Variants in INPPL1 observed in about 807,000 individuals in gnomAD.
INPPL1 encodes the protein phosphatidylinositol 3,4,5-trisphosphate 5-phosphatase 2.
INPPL1 carries 91 observed loss-of-function variants against 139.3 expected under a neutral mutation model. That is an observed-to-expected ratio of 0.65 (90% CI 0.55 to 0.78). The LOEUF (loss-of-function observed/expected upper bound fraction) is 0.78, where lower values mean the gene tolerates loss of function less well. Ranked by LOEUF, INPPL1 falls within the 30% of genes least tolerant of loss-of-function variation. INPPL1 has a pLI of 0.00. For missense variants in INPPL1, 1,411 were observed against 1,665.6 expected, an observed-to-expected ratio of 0.85 and a Z score of 2.66; for synonymous variants, 719 against 686.6, an observed-to-expected ratio of 1.05 and a Z score of -0.74.
chr11:72,236,639 A>G (rs1183570703), intron 25 of INPPL1, among the ~76,000 whole-genome samples: 2 of 152,222 alleles, frequency 1.3e-5, no homozygotes, highest in Non-Finnish European at 2.9e-5. Flanking sequence ...TTAAACTTAC[A>G]TAAACTCCTA....
chr11:72,229,296 G>T (rs1948764139), intron 5 of INPPL1, 66 bp downstream of exon 5: 2 of 1,512,938 alleles, frequency 1.3e-6, no homozygotes, highest in Admixed American at 3.6e-5. Context: ...CTGCTTCCCG[G>T]CTGCACAGGT....
Position 72,225,019 on chromosome 11 carries a change from G to A in INPPL1, c.35G>A (p.Gly12Asp). The change falls in exon 1 of 28, where the codon GGC becomes GAC. Residue 12 changes from glycine to aspartate, a missense_variant. By Grantham distance (94) the Gly-to-Asp change is moderately conservative. Around this residue, in one of 5 missense-constraint regions of INPPL1, gnomAD observed 504 missense variants for 595.6 expected, o/e 0.85. Transcript: ENST00000298229. ...GCCTGCGGGGCGCCGGGCCCGGGGG[G>A]CGCCCTGGGCAGCCAGGCCCCCTCC... Reference protein sequence around the residue: ...ASACGAPGPGGALGSQAPSWY... With the variant: ...ASACGAPGPGDALGSQAPSWY... The A allele has an allele frequency of 8.2e-7, 1 of 1,217,256 alleles. No individual in the cohort carries two copies. The highest frequency in any genetic ancestry group is 1.0e-6 in the Non-Finnish European group (1 of 978,986). The allele number at this position is 1,217,256 out of a possible 1,614,324, so 75.4% of individuals were successfully genotyped here. A position where few individuals can be genotyped will look rare whatever the true frequency, so the allele number is the denominator to read the frequency against.
chr11:72,232,559 C>T (rs1338382275), intron 14 of INPPL1, 67 bp from the exon 15 acceptor site: 3 of 1,570,014 alleles, frequency 1.9e-6, no homozygotes, highest in Non-Finnish European at 2.6e-6. Context: ...TCCCTTTATG[C>T]CTATCCCTGA....
chr11:72,224,184 A>C (rs1948598585), upstream of INPPL1, among the ~76,000 whole-genome samples: 1 of 151,956 alleles, frequency 6.6e-6, no homozygotes, highest in Non-Finnish European at 1.5e-5. Flanking sequence ...CCCCCGCCAG[A>C]GTAAGAATCT....
Position 72,228,402 on chromosome 11 carries a change from C to T in INPPL1, c.301C>T (p.Leu101=). 2 of 1,613,244 alleles carry T rather than the reference C, an allele frequency of 1.2e-6. No individual in the cohort carries two copies. The highest frequency in any genetic ancestry group is 1.7e-6 in the Non-Finnish European group (2 of 1,179,996). The part of the protein sequence containing the change: ...RFQTLGELIG[L]YAQPNQGLVC... Reference sequence around the variant, plus strand: ...CCAGACCCTGGGTGAGCTCATCGGCCTGTACGCCCAGCCCAACCAGGGCCT... The same window carrying T: ...CCAGACCCTGGGTGAGCTCATCGGCTTGTACGCCCAGCCCAACCAGGGCCT... Residue 101 remains leucine (L), a synonymous_variant, in exon 3 of 28, where the codon CTG becomes TTG. Transcript: ENST00000298229. The surrounding 1 kb of genome is among the most constrained non-coding windows in gnomAD (Gnocchi z 5.0).
intron 12 of INPPL1, 121 bp downstream of exon 12, chr11:72,231,310 C>T (rs927551322): frequency 4.6e-5 from 49 of 1,063,356 alleles, no homozygotes; most frequent in Non-Finnish European, 6.4e-5. Context: ...GGTCCCTGAG[C>T]ATATCCTTTG....
At position 72,230,253 on chromosome 11, in the gene INPPL1, A is replaced by T; in HGVS notation, c.1072A>T (p.Thr358Ser). 6.2e-7 allele frequency: 1 copy of T among 1,607,616 alleles called. No individual in the cohort carries two copies. Among genetic ancestry groups the T allele is most frequent in the South Asian group, 1.1e-5 (1 of 90,380 alleles). ...RQRDSQEDWT[T>S]FTHDRIRQLI... ...GCGGGACTCCCAGGAGGACTGGACC[A>T]CCTTCACGCACGACCGCAGTGAGCC... Residue 358 changes from threonine to serine, a missense_variant, in exon 9 of 28, where the codon ACC (threonine) becomes TCC (serine). By Grantham distance (58) the Thr-to-Ser change is moderately conservative (BLOSUM62 1). Coordinates refer to ENST00000298229, the MANE Select transcript of INPPL1 (RefSeq NM_001567.4).
chr11:72,227,575 C>T (rs1437056005), intron 1 of INPPL1, among the ~76,000 whole-genome samples: 1 of 152,084 alleles, frequency 6.6e-6, no homozygotes, highest in Non-Finnish European at 1.5e-5. Flanking sequence ...GCTCAGCTGC[C>T]ACCTGCTCAA....
rs1270326536 is a variant in INPPL1, at chr11:72,232,879, T to C, written c.1856T>C (p.Ile619Thr). Residue 619 changes from isoleucine to threonine, a missense_variant, in exon 16 of 28, where the codon ATC becomes ACC. Ile to Thr is a moderately conservative substitution (Grantham distance 89). Transcript: ENST00000298229. ...CCTTTGTGTCCTCCACCCCAGGAGA[T>C]CCTGAACTACATCAGCAGGAAAGAG... ...NYRLDMDIQE[I>T]LNYISRKEFE... The C allele has an allele frequency of 3.7e-6, 6 of 1,613,906 alleles. No homozygotes were observed. Among genetic ancestry groups the C allele is most frequent in the Non-Finnish European group, 5.1e-6 (6 of 1,180,002 alleles).
At chr11:72,236,545 A>G (rs989698734) in intron 25 of INPPL1, among the ~76,000 whole-genome samples, 5 of 152,232 alleles carry the variant, frequency 3.3e-5, no homozygotes, top group African/African-American at 1.2e-4. Flanking sequence ...TCCATGTAGT[A>G]ACTATTAACG....
At position 72,232,856 on chromosome 11, in the gene INPPL1, T is replaced by C; in HGVS notation, c.1852-19T>C. 2 of 1,613,768 alleles carry C rather than the reference T, an allele frequency of 1.2e-6. No homozygotes were observed. Among genetic ancestry groups the C allele is most frequent in the Non-Finnish European group, 1.7e-6 (2 of 1,179,792 alleles). ...TGGCTCCGGAGGAATGTTTCTAGCC[T>C]TTGTGTCCTCCACCCCAGGAGATCC... On this transcript the variant is annotated intron_variant, in intron 15 of 27. Coordinates refer to ENST00000298229, the MANE Select transcript of INPPL1 (RefSeq NM_001567.4).
chr11:72,238,851 G>GTTT lies in INPPL1; in HGVS notation c.*498_*499insTTT, dbSNP rs2135452348. On this transcript the variant is annotated 3_prime_UTR_variant, in exon 28 of 28. Transcript: ENST00000298229. ...GGGTTTATTTAAACTGTTCTGTGTG[G>GTTT]GTCTGGGGAGGGAGAGCACCTTAAT... 6.5e-6 allele frequency: 1 copy of GTTT among 152,896 alleles called. No homozygotes were observed. The highest frequency in any genetic ancestry group is 2.1e-4 in the South Asian group (1 of 4,844). 9.5% of individuals were successfully genotyped at this position (152,896 alleles called of 1,614,324 possible). A position where few individuals can be genotyped will look rare whatever the true frequency, so the allele number is the denominator to read the frequency against.
At chr11:72,224,126 T>A (rs960743984), upstream of INPPL1, among the ~76,000 whole-genome samples, 19 of 151,868 alleles carry the variant, frequency 1.3e-4, no homozygotes, top group South Asian at 4.0e-3. Context: ...TCTGCGGGGC[T>A]GGGAGGGGCT....
At chr11:72,229,277 T>G in intron 5 of INPPL1, 47 bp downstream of exon 5, 1 of 1,549,104 alleles carries the variant, frequency 6.5e-7, no homozygotes, top group Non-Finnish European at 8.8e-7. Context: ...ACCTCTGACC[T>G]GTCCTCACCT....
At position 72,234,287 on chromosome 11, in the gene INPPL1, C is replaced by T. The variant is rs1427553673; in HGVS notation, c.2219C>T (p.Ser740Leu). The T allele has an allele frequency of 1.2e-6, 2 of 1,613,202 alleles. No homozygotes were observed. The highest frequency in any genetic ancestry group is 8.5e-7 in the Non-Finnish European group (1 of 1,179,238). Reference sequence around the variant, plus strand: ...CTCCTCCCTTTCTCCTCAGGGCTCTCAAAGACTTCAGACCAGGCCTACATT... The same window carrying T: ...CTCCTCCCTTTCTCCTCAGGGCTCTTAAAGACTTCAGACCAGGCCTACATT... ...TSQFISKKGL[S>L]KTSDQAYIEF... The change falls in exon 20 of 28, where the codon TCA (serine) becomes TTA (leucine). Residue 740 changes from serine to leucine, a missense_variant. Coordinates refer to ENST00000298229, the MANE Select transcript of INPPL1 (RefSeq NM_001567.4). This position sits in a 1 kb window ranked among gnomAD's most constrained non-coding sequence, Gnocchi z 4.2.
rs1948631212 is a variant in INPPL1, at chr11:72,225,107, T to C, written c.123T>C (p.Asp41=). ...AGCTGCTGGCCCGGGCGGGCCGCGA[T>C]GGCAGCTTCCTGGTCCGAGACAGCG... ...AEELLARAGR[D]GSFLVRDSES... Residue 41 remains aspartate (D), a synonymous_variant, in exon 1 of 28, where the codon GAT becomes GAC. Transcript: ENST00000298229. The C allele has an allele frequency of 8.1e-7, 1 of 1,232,300 alleles. No individual in the cohort carries two copies. The allele number at this position is 1,232,300 out of a possible 1,614,324, so 76.3% of individuals were successfully genotyped here. A position where few individuals can be genotyped will look rare whatever the true frequency, so the allele number is the denominator to read the frequency against.
chr11:72,234,156 G>T lies in INPPL1; in HGVS notation c.2213-125G>T, dbSNP rs1948915534. The T allele has an allele frequency of 1.4e-6, 1 of 706,040 alleles. No individual in the cohort carries two copies. The highest frequency in any genetic ancestry group is 2.5e-6 in the Non-Finnish European group (1 of 403,064). The allele number at this position is 706,040 out of a possible 1,614,324, so 43.7% of individuals were successfully genotyped here. ...CTGTTGGTGGCTTGGGACTGGGGAG[G>T]CCCCTCCTGGCCCTGCCTCCTTGCT... On this transcript the variant is annotated intron_variant, in intron 19 of 27. Coordinates refer to ENST00000298229, the MANE Select transcript of INPPL1 (RefSeq NM_001567.4). This position sits in a 1 kb window ranked among gnomAD's most constrained non-coding sequence, Gnocchi z 4.2.
intron 11 of INPPL1, 25 bp from the exon 12 acceptor site, chr11:72,230,968 C>T (rs752318771): frequency 4.3e-6 from 7 of 1,611,630 alleles, no homozygotes; most frequent in Non-Finnish European, 5.9e-6. Context: ...CCCCTCCAGA[C>T]CCACCTCACC....
chr11:72,238,414 T>C lies in INPPL1; in HGVS notation c.*61T>C. On this transcript the variant is annotated 3_prime_UTR_variant, in exon 28 of 28. Coordinates refer to ENST00000298229, the MANE Select transcript of INPPL1 (RefSeq NM_001567.4). The stretch of plus-strand genomic sequence containing the variant: ...CCTCCCTGCTACCAAGGCCCAGCTA[T>C]GGCCCCAGGGTTGAAAAGTTATGAG... The C allele has an allele frequency of 7.0e-7, 1 of 1,427,002 alleles. No individual in the cohort carries two copies. The highest frequency in any genetic ancestry group is 2.5e-5 in the Admixed American group (1 of 40,338). The allele number at this position is 1,427,002 out of a possible 1,614,324, so 88.4% of individuals were successfully genotyped here.
Sources: allele counts gnomAD v4.1 joint callset (sites outside exome capture counted in the v4.1 genomes callset), GRCh38; gene constraint gnomAD v4.1.1; regional missense constraint gnomAD v4.1.1; non-coding constraint Gnocchi (gnomAD v3.1); transcripts MANE v1.5; gene names NCBI Gene and HGNC (gene_info 2026-07-23, HGNC 2026-07-21).